VNN2: variants seen among roughly 807,000 people sequenced by gnomAD.
The protein encoded by VNN2 is pantetheine hydrolase VNN2.
In VNN2, 43 loss-of-function variants were observed where a neutral mutation model predicts 43.0. That is an observed-to-expected ratio of 1.00 (90% CI 0.78 to 1.29). VNN2 has a LOEUF of 1.29. Ranked by LOEUF, VNN2 falls within the 50% of genes most tolerant of loss-of-function variation. VNN2 has a pLI of 0.00. For synonymous variants in VNN2, 230 were observed against 224.3 expected, an observed-to-expected ratio of 1.03 and a Z score of -0.23; for missense variants, 652 against 619.7, an observed-to-expected ratio of 1.05 and a Z score of -0.55.
At position 132,756,031 on chromosome 6, in the gene VNN2, C is replaced by A. The variant is rs1338387096; in HGVS notation, c.349G>T (p.Gly117Cys). 2 of 1,584,832 alleles carry A rather than the reference C, an allele frequency of 1.3e-6. No homozygotes were observed. Among genetic ancestry groups the A allele is most frequent in the Non-Finnish European group, 1.7e-6 (2 of 1,169,146 alleles). The change falls in exon 3 of 7, where the codon GGT becomes TGT. Residue 117 changes from glycine to cysteine, a missense_variant. Gly to Cys is a radical substitution (Grantham distance 159). Coordinates refer to ENST00000326499, the MANE Select transcript of VNN2 (RefSeq NM_004665.6). Reference sequence around the variant, plus strand: ...AGTCTTGCTTGTACTGGTGTGTGACCAAATCTAAACCAAATTATAATTAAG... The same window carrying A: ...AGTCTTGCTTGTACTGGTGTGTGACAAAATCTAAACCAAATTATAATTAAG... Reference protein sequence around the residue: ...WIPCQDPHRFGHTPVQARLSC... With the variant: ...WIPCQDPHRFCHTPVQARLSC...
Position 132,744,311 on chromosome 6 carries a change from C to A in VNN2, c.1552G>T (p.Val518Leu). The change falls in exon 7 of 7, where the codon GTA becomes TTA. Residue 518 changes from valine (V) to leucine (L), a missense_variant. Coordinates refer to ENST00000326499, the MANE Select transcript of VNN2 (RefSeq NM_004665.6). ...GATAAAGAGACGCCCTATAACATTA[C>A]AATATTTTGCAAAGCTATGATCATT... ...LLMIIALQNI[V>L]ML is the part of the protein sequence containing the mutation. 1 of 1,611,912 alleles carries A rather than the reference C, an allele frequency of 6.2e-7. No homozygotes were observed. The highest frequency in any genetic ancestry group is 8.5e-7 in the Non-Finnish European group (1 of 1,179,402).
At chr6:132,762,198 A>T (rs537022689), upstream of VNN2, among the ~76,000 whole-genome samples, 11 of 152,334 alleles carry the variant, frequency 7.2e-5, no homozygotes, top group South Asian at 2.3e-3. Flanking sequence ...AAGAAAACCA[A>T]GGAACTCAAC....
intron 4 of VNN2, among the ~76,000 whole-genome samples, chr6:132,752,084 C>T (rs961166460): frequency 2.6e-5 from 4 of 152,116 alleles, no homozygotes; most frequent in African/African-American, 7.2e-5. Context: ...AGCCATGTCA[C>T]GAGGATATGC....
chr6:132,752,577 G>T lies in VNN2; in HGVS notation c.710C>A (p.Ala237Asp). 6.2e-7 allele frequency: 1 copy of T among 1,614,192 alleles called. No homozygotes were observed. Residue 237 changes from alanine (A) to aspartate (D), a missense_variant, in exon 4 of 7, where the codon GCT becomes GAT. Transcript: ENST00000326499. ...FHVDTILFPT[A>D]WMNVLPLLTA... ...CAAAAGGGGCAAAACGTTCATCCAA[G>T]CTGTGGGAAACAGTATGGTGTCCAC...
intron 5 of VNN2, among the ~76,000 whole-genome samples, chr6:132,750,513 A>ATATATATATATATATATTTTTTTTT (rs201643856): frequency 7.6e-5 from 6 of 78,510 alleles, no homozygotes; most frequent in African/African-American, 1.9e-4. Context: ...ATATATATAT[A>ATATATATATATATATATTTTTTTTT]TTTTTCCAGG....
chr6:132,751,437 T>C lies in VNN2; in HGVS notation c.908A>G (p.Glu303Gly), dbSNP rs775874023. 3.8e-5 allele frequency: 61 copies of C among 1,614,068 alleles called. No individual in the cohort carries two copies. Among genetic ancestry groups the C allele is most frequent in the Middle Eastern group, 3.3e-4 (2 of 6,084 alleles). Residue 303 changes from glutamate (E) to glycine (G), a missense_variant, in exon 5 of 7, where the codon GAG becomes GGG. Physicochemically the swap from Glu to Gly is moderately conservative, Grantham distance 98 (BLOSUM62 -2). Transcript: ENST00000326499. ...CGAGGATAGGGGATGTGAATCCACCTCTGAAAGGAGAAGTTTTCCCAACTC... is the reference window on the plus strand; with the variant it reads ...CGAGGATAGGGGATGTGAATCCACCCCTGAAAGGAGAAGTTTTCCCAACTC... ...KTELGKLLLSEVDSHPLSSLA... is the reference protein window; with the variant it reads ...KTELGKLLLSGVDSHPLSSLA...
intron 5 of VNN2, 94 bp downstream of exon 5, chr6:132,751,051 C>A: frequency 2.0e-6 from 3 of 1,494,652 alleles, no homozygotes; most frequent in Non-Finnish European, 1.8e-6. Flanking sequence ...GGAGTCAAGC[C>A]AAGGAAAAGC....
intron 4 of VNN2, 41 bp downstream of exon 4, chr6:132,752,420 C>T: frequency 6.4e-7 from 1 of 1,562,818 alleles, no homozygotes; most frequent in Non-Finnish European, 8.6e-7. Context: ...TTTCTCTGCA[C>T]TTAAAAATAT....
chr6:132,744,464 T>C lies in VNN2; in HGVS notation c.1399A>G (p.Lys467Glu). 1 of 1,591,428 alleles carries C rather than the reference T, an allele frequency of 6.3e-7. No homozygotes were observed. The highest frequency in any genetic ancestry group is 8.5e-7 in the Non-Finnish European group (1 of 1,172,244). The change falls in exon 7 of 7, where the codon AAG becomes GAG. Residue 467 changes from lysine to glutamate, a missense_variant. By Grantham distance (56) the Lys-to-Glu change is moderately conservative. Coordinates refer to ENST00000326499, the MANE Select transcript of VNN2 (RefSeq NM_004665.6). ...EVLKDGRLVNKNGSSGPILTV... is the reference protein window; with the variant it reads ...EVLKDGRLVNENGSSGPILTV... ...AGTATAGGCCCAGATGATCCATTCT[T>C]GTTTACCAAACGCCCATCTTTCAGC...
At position 132,747,005 on chromosome 6, in the gene VNN2, C is replaced by T. The variant is rs1398550448; in HGVS notation, c.1372-2514G>A. Among the ~76,000 whole-genome samples, 15 of 152,120 alleles carry T rather than the reference C, an allele frequency of 9.9e-5. 1 individual carries two copies. The highest frequency in any genetic ancestry group is 9.8e-4 in the Admixed American group (15 of 15,274). ...ACCCTCCCTGCCAGCTGTCACATGG[C>T]TCTTTCATATCTTTTTTGGTGTAAT... On this transcript the variant is annotated intron_variant, in intron 6 of 6. Transcript: ENST00000326499.
rs754254747 is a variant in VNN2, at chr6:132,757,540, G to A, written c.220C>T (p.Arg74Ter). The A allele has an allele frequency of 5.6e-6, 9 of 1,613,196 alleles. No individual in the cohort carries two copies. The highest frequency in any genetic ancestry group is 2.7e-5 in the African/African-American group (2 of 74,838). The change falls in exon 2 of 7, where the codon CGA becomes TGA. Residue 74 changes from arginine (R) to a stop codon, truncating the protein, a stop_gained. Coordinates refer to ENST00000326499, the MANE Select transcript of VNN2 (RefSeq NM_004665.6). LOFTEE classifies it high-confidence loss of function. ...AIKQAAEQGA[R>*]IIVTPEDALY... is the part of the protein sequence containing the mutation. ...GCATCTTCTGGAGTCACAATGATTC[G>A]AGCACCCTGTTCAAAACAAGCAAAA...
rs775034677 is a variant in VNN2 at position 132,752,517 on chromosome 6, C to A, written c.770G>T (p.Gly257Val). ...GGCCACAAGAAGATTAACTCCCATT[C>A]CCATTGCCCAAGCTGAATGGAATTC... is the stretch of plus-strand genomic sequence containing the variant. ...AIEFHSAWAM[G>V]MGVNLLVANT... Residue 257 changes from glycine to valine, a missense_variant, in exon 4 of 7, where the codon GGA (glycine) becomes GTA (valine). Transcript: ENST00000326499. 1 of 1,614,094 alleles carries A rather than the reference C, an allele frequency of 6.2e-7. No homozygotes were observed. The highest frequency in any genetic ancestry group is 1.1e-5 in the South Asian group (1 of 91,078).
chr6:132,751,177 A>G lies in VNN2; in HGVS notation c.1168T>C (p.Leu390=), dbSNP rs1780058952. The G allele has an allele frequency of 3.1e-6, 5 of 1,611,066 alleles. No homozygotes were observed. In the East Asian group the frequency reaches 1.1e-4, roughly 36 times the overall value. ...TACTCTCTTCTCCTTCGGCCATGTA[A>G]TCCTGTAAAAGCTCCTAGAACGTAT... The part of the protein sequence containing the change: ...EVYVLGAFTG[L]HGRRRREYWQ... Residue 390 remains leucine, a synonymous_variant, in exon 5 of 7, where the codon TTA becomes CTA. Coordinates refer to ENST00000326499, the MANE Select transcript of VNN2 (RefSeq NM_004665.6).
At chr6:132,750,384 T>A (rs1779982281) in intron 5 of VNN2, among the ~76,000 whole-genome samples, 1 of 151,786 alleles carries the variant, frequency 6.6e-6, no homozygotes, top group African/African-American at 2.4e-5. Context: ...TCACACATGT[T>A]ATCCCAGCAA....
rs1780046615 is a variant in VNN2 at position 132,751,050 on chromosome 6, C to G, written c.1200+95G>C. On this transcript the variant is annotated intron_variant, in intron 5 of 6. Transcript: ENST00000326499. ...GTTGCCATCAATGCATGGAGTCAAG[C>G]CAAGGAAAAGCACCTGGTTTTCTGG... is the stretch of plus-strand genomic sequence containing the variant. 3.4e-6 allele frequency: 5 copies of G among 1,490,644 alleles called. No homozygotes were observed. The East Asian group carries it at 1.1e-4, about 34-fold the overall frequency. 92.3% of individuals were successfully genotyped at this position (1,490,644 alleles called of 1,614,324 possible).
chr6:132,759,699 G>A (rs3756972), upstream of VNN2, among the ~76,000 whole-genome samples: 672 of 152,110 alleles, frequency 4.4e-3, 17 homozygotes, highest in South Asian at 0.067. Flanking sequence ...GGGGCCTAGG[G>A]GCTATAAATA....
At chr6:132,754,924 A>G (rs1247005064) in intron 3 of VNN2, among the ~76,000 whole-genome samples, 1 of 152,246 alleles carries the variant, frequency 6.6e-6, no homozygotes, top group Non-Finnish European at 1.5e-5. Flanking sequence ...CTCTAATCTC[A>G]GCATTTTGGG....
intron 2 of VNN2, among the ~76,000 whole-genome samples, 183 bp from the exon 3 acceptor site, chr6:132,756,218 A>G (rs1780470370): frequency 6.6e-6 from 1 of 152,218 alleles, no homozygotes; most frequent in Non-Finnish European, 1.5e-5. Flanking sequence ...CCCACACGGT[A>G]TCTATTGCTC....
chr6:132,762,267 G>C (rs1306112844), upstream of VNN2, among the ~76,000 whole-genome samples: 4 of 152,164 alleles, frequency 2.6e-5, no homozygotes, highest in Admixed American at 1.3e-4. Flanking sequence ...TTCCTGTTCT[G>C]TCCCTTCTCC....
Sources: allele counts gnomAD v4.1 joint callset (sites outside exome capture counted in the v4.1 genomes callset), GRCh38; gene constraint gnomAD v4.1.1; transcripts MANE v1.5; gene names NCBI Gene and HGNC (gene_info 2026-07-23, HGNC 2026-07-21).